The following HPS4 variants were observed in gnomAD, a reference collection of about 807,000 sequenced individuals.
HPS4 encodes BLOC-3 complex member HPS4.
HPS4 carries 44 observed loss-of-function variants against 70.3 expected under a neutral mutation model. The observed-to-expected ratio is 0.63, with a 90% confidence interval of 0.49 to 0.80. The LOEUF (loss-of-function observed/expected upper bound fraction) is 0.80. Ranked by LOEUF, HPS4 falls within the 30% of genes least tolerant of loss-of-function variation. HPS4 has a pLI of 0.00. For synonymous variants in HPS4, 377 were observed against 355.9 expected (o/e 1.06, Z -0.67); for missense variants, 873 against 884.4 (o/e 0.99, Z 0.16).
rs1389262836 is a variant in HPS4 at position 26,453,396 on chromosome 22, G to C, written c.1964C>G (p.Ser655Cys). The C allele has an allele frequency of 1.1e-5, 17 of 1,613,918 alleles. No homozygotes were observed. The East Asian group carries it at 3.8e-4, about 36-fold the overall frequency. Residue 655 changes from serine to cysteine, a missense_variant, in exon 14 of 14, where the codon TCC becomes TGC. Coordinates refer to ENST00000398145, the MANE Select transcript of HPS4 (RefSeq NM_022081.6). ...ALYEMTVRNASTAVYACCNPI... is the reference protein window; with the variant it reads ...ALYEMTVRNACTAVYACCNPI... ...GTTGCAACAGGCGTACACAGCCGTGGAGGCATTTCTGTTGGAGGAAGAAAG... is the reference window on the plus strand; with the variant it reads ...GTTGCAACAGGCGTACACAGCCGTGCAGGCATTTCTGTTGGAGGAAGAAAG...
chr22:26,462,104 CA>C (rs1275891443), intron 11 of HPS4, among the ~76,000 whole-genome samples: 1 of 139,688 alleles, frequency 7.2e-6, no homozygotes, highest in Non-Finnish European at 1.5e-5. Flanking sequence ...CCAGCCTGGG[CA>C]ACAAGAGCGG....
At chr22:26,450,186 C>CA (rs1332032967), downstream of HPS4, among the ~76,000 whole-genome samples, 1 of 152,192 alleles carries the variant, frequency 6.6e-6, no homozygotes, top group African/African-American at 2.4e-5. Flanking sequence ...AACAAGGCAA[C>CA]ATTCACAGGT....
rs1383452395 is a variant in HPS4 at position 26,451,987 on chromosome 22, C to T, written c.*1246G>A. ...GGAAAAGAGGGATGCGCCCACGTTACGCGCGCGCGCGCGCGCGCACACACA... is the reference window on the plus strand; with the variant it reads ...GGAAAAGAGGGATGCGCCCACGTTATGCGCGCGCGCGCGCGCGCACACACA... On this transcript the variant is annotated 3_prime_UTR_variant, in exon 14 of 14. Coordinates refer to ENST00000398145, the MANE Select transcript of HPS4 (RefSeq NM_022081.6). 3.7e-4 allele frequency: 7 copies of T among 19,138 alleles called. No individual in the cohort carries two copies. Among genetic ancestry groups the T allele is most frequent in the East Asian group, 3.5e-3 (1 of 282 alleles). The allele number at this position is 19,138 out of a possible 1,614,324, so 1.2% of individuals were successfully genotyped here. A position where few individuals can be genotyped will look rare whatever the true frequency, so the allele number is the denominator to read the frequency against.
At chr22:26,456,578 G>C (rs1304527802) in intron 13 of HPS4, among the ~76,000 whole-genome samples, 1 of 152,224 alleles carries the variant, frequency 6.6e-6, no homozygotes, top group Admixed American at 6.5e-5. Flanking sequence ...AGAATTGCTT[G>C]AAACCAGGAG....
In HPS4 at chr22:26,472,825, C is replaced by T. The variant is rs1301000055; in HGVS notation, c.384+7G>A. ...CAATGTAAGACTCCTCAACCCCATA[C>T]TTGTACCTCATAAGCTAGGGAAACA... On this transcript the variant is annotated splice_region_variant and intron_variant, in intron 5 of 13. Coordinates refer to ENST00000398145, the MANE Select transcript of HPS4 (RefSeq NM_022081.6). 1 of 1,606,748 alleles carries T rather than the reference C, an allele frequency of 6.2e-7. No individual in the cohort carries two copies. The highest frequency in any genetic ancestry group is 8.5e-7 in the Non-Finnish European group (1 of 1,173,312).
intron 11 of HPS4, among the ~76,000 whole-genome samples, chr22:26,459,693 A>G (rs2086868683): frequency 6.6e-6 from 1 of 152,228 alleles, no homozygotes; most frequent in African/African-American, 2.4e-5. Context: ...AATGACCAGG[A>G]GCAAGTTACC....
chr22:26,464,922 A>G, intron 10 of HPS4, 96 bp from the exon 11 acceptor site: 1 of 1,203,804 alleles, frequency 8.3e-7, no homozygotes, highest in Non-Finnish European at 1.2e-6. Context: ...CATCAAGGAC[A>G]AGGGGGTGCC....
chr22:26,451,734 T>C lies in HPS4; in HGVS notation c.*1499A>G, dbSNP rs1490745085. ...GTAATCAATTTTTTCTGGGAGAACA[T>C]AGCAGAGGAGTAAGACAACATTTAT... is the stretch of plus-strand genomic sequence containing the variant. On this transcript the variant is annotated 3_prime_UTR_variant, in exon 14 of 14. Transcript: ENST00000398145. 1.3e-5 allele frequency: 2 copies of C among 152,444 alleles called. No individual in the cohort carries two copies. The highest frequency in any genetic ancestry group is 3.9e-4 in the East Asian group (2 of 5,180). The allele number at this position is 152,444 out of a possible 1,614,324, so 9.4% of individuals were successfully genotyped here.
intron 13 of HPS4, 130 bp downstream of exon 13, chr22:26,457,729 G>C: frequency 1.4e-6 from 1 of 726,980 alleles, no homozygotes; most frequent in East Asian, 2.7e-5. Context: ...ACCGACAAAG[G>C]AAGGCCTTAA....
intron 5 of HPS4, 96 bp from the exon 6 acceptor site, chr22:26,472,514 G>A: frequency 1.1e-6 from 1 of 872,758 alleles, no homozygotes; most frequent in Non-Finnish European, 2.0e-6. Context: ...TCCTCACACA[G>A]GAAACTGACC....
chr22:26,476,783 T>C (rs1015043755), intron 4 of HPS4: 2 of 570,822 alleles, frequency 3.5e-6, no homozygotes, highest in Non-Finnish European at 6.3e-6. Context: ...ACCAGCTGTG[T>C]GCAATGCAGA....
chr22:26,461,459 C>T (rs534028984), intron 11 of HPS4, among the ~76,000 whole-genome samples: 1 of 152,236 alleles, frequency 6.6e-6, no homozygotes, highest in South Asian at 2.1e-4. Context: ...CCCAACCCTC[C>T]TGGCTGCTCC....
chr22:26,472,828 G>C lies in HPS4; in HGVS notation c.384+4C>G. On this transcript the variant is annotated splice_donor_region_variant and intron_variant, in intron 5 of 13. Coordinates refer to ENST00000398145, the MANE Select transcript of HPS4 (RefSeq NM_022081.6). ...TGTAAGACTCCTCAACCCCATACTT[G>C]TACCTCATAAGCTAGGGAAACAGGT... is the stretch of plus-strand genomic sequence containing the variant. 6.2e-7 allele frequency: 1 copy of C among 1,607,624 alleles called. No individual in the cohort carries two copies. The highest frequency in any genetic ancestry group is 8.5e-7 in the Non-Finnish European group (1 of 1,174,064).
chr22:26,483,565 G>C (rs566389094), intron 1 of HPS4, 109 bp downstream of exon 1: 42 of 198,362 alleles, frequency 2.1e-4, no homozygotes, highest in African/African-American at 9.7e-4. Flanking sequence ...CAGCTCTACG[G>C]GACTGGGAAA....
chr22:26,474,414 A>G (rs1045354880), intron 4 of HPS4, among the ~76,000 whole-genome samples: 15 of 152,098 alleles, frequency 9.9e-5, no homozygotes, highest in Non-Finnish European at 2.1e-4. Context: ...CTCTATTCAC[A>G]CCATTCACAA....
In HPS4 at chr22:26,453,225, G is replaced by A; in HGVS notation, c.*8C>T. The A allele has an allele frequency of 6.2e-7, 1 of 1,614,070 alleles. No individual in the cohort carries two copies. Among genetic ancestry groups the A allele is most frequent in the African/African-American group, 1.3e-5 (1 of 75,052 alleles). On this transcript the variant is annotated 3_prime_UTR_variant, in exon 14 of 14. Coordinates refer to ENST00000398145, the MANE Select transcript of HPS4 (RefSeq NM_022081.6). The stretch of plus-strand genomic sequence containing the variant: ...TTTTCTCCTTCCCAGTCACCTCCTG[G>A]GTGCAGTTCAGAGCAAGTTCACCCC...
intron 3 of HPS4, among the ~76,000 whole-genome samples, chr22:26,478,569 A>AC (rs2090889878): frequency 1.5e-5 from 1 of 65,818 alleles, no homozygotes; most frequent in Non-Finnish European, 3.6e-5. Flanking sequence ...AGCCTCCATC[A>AC]CAAAAAAAAA....
intron 4 of HPS4, chr22:26,476,583 A>G (rs2090576802): frequency 4.9e-6 from 1 of 202,702 alleles, no homozygotes; most frequent in Non-Finnish European, 1.0e-5. Context: ...CCTGGACTCA[A>G]GCAATATTCT....
In HPS4 at chr22:26,473,838, C is replaced by G. The variant is rs559242366; in HGVS notation, c.277-899G>C. On this transcript the variant is annotated intron_variant, in intron 4 of 13. Transcript: ENST00000398145. ...ATTACTTGATGTAGTAATTCTACCT[C>G]TAGGAATCTGTCCTAAGGGAATCAT... 2.0e-4 allele frequency among the ~76,000 whole-genome samples: 31 copies of G among 152,292 alleles called. 1 individual carries two copies. The South Asian group carries it at 5.4e-3, about 26-fold the overall frequency.
Sources: allele counts gnomAD v4.1 joint callset (sites outside exome capture counted in the v4.1 genomes callset), GRCh38; gene constraint gnomAD v4.1.1; transcripts MANE v1.5; gene names NCBI Gene and HGNC (gene_info 2026-07-23, HGNC 2026-07-21).